Variants in TATDN3 observed in about 807,000 individuals in gnomAD.
TATDN3 encodes the protein deoxyribonuclease TATDN3.
TATDN3 carries 29 observed loss-of-function variants against 40.1 expected under a neutral mutation model. That is an observed-to-expected ratio of 0.72 (90% CI 0.54 to 0.99). The LOEUF (loss-of-function observed/expected upper bound fraction) is 0.99. Ranked by LOEUF, TATDN3 falls within the 50% of genes least tolerant of loss-of-function variation. The pLI is 0.00. For missense variants in TATDN3, 309 were observed against 321.9 expected (o/e 0.96, Z 0.31); for synonymous variants, 105 against 117.0 (o/e 0.90, Z 0.66).
At chr1:212,796,831 G>T in intron 3 of TATDN3, 1 of 472,358 alleles carries the variant, frequency 2.1e-6, no homozygotes, top group Non-Finnish European at 3.7e-6. Flanking sequence ...TCTGCCTCCT[G>T]GTTTCAAGCA....
chr1:212,812,024 G>A (rs188484754), intron 8 of TATDN3, among the ~76,000 whole-genome samples: 2 of 152,142 alleles, frequency 1.3e-5, no homozygotes, highest in South Asian at 2.1e-4. Context: ...TAGCAGAGAC[G>A]GGGTTTCACC....
chr1:212,808,575 T>C (rs1662681310), intron 8 of TATDN3, among the ~76,000 whole-genome samples: 1 of 152,028 alleles, frequency 6.6e-6, no homozygotes, highest in Admixed American at 6.6e-5. Flanking sequence ...CTGATAAGGG[T>C]CTAGTATCCA....
chr1:212,813,096 A>G (rs564941944), intron 9 of TATDN3, among the ~76,000 whole-genome samples: 9 of 152,222 alleles, frequency 5.9e-5, no homozygotes, highest in Admixed American at 3.3e-4. Flanking sequence ...TAGGTATTCA[A>G]TGAGTGTTCA....
At position 212,796,546 on chromosome 1, in the gene TATDN3, C is replaced by T. The variant is rs766876496; in HGVS notation, c.129C>T (p.Ala43=). 2.5e-5 allele frequency: 39 copies of T among 1,549,640 alleles called. No homozygotes were observed. The highest frequency in any genetic ancestry group is 2.0e-4 in the Middle Eastern group (1 of 5,122). Residue 43 remains alanine (A), a synonymous_variant, in exon 3 of 10, where the codon GCC becomes GCT. Transcript: ENST00000366974. ...ATGTTGTGGCCCTTGTGGCAGTTGC[C>T]GAACATTCAGGAGAATTTGAAAAGA... ...KANVVALVAV[A]EHSGEFEKIM... is the part of the protein sequence containing the mutation.
chr1:212,813,564 T>C (rs1244484621), intron 9 of TATDN3, among the ~76,000 whole-genome samples: 2 of 136,418 alleles, frequency 1.5e-5, no homozygotes, highest in Non-Finnish European at 3.1e-5. Context: ...TTTCTTTCTT[T>C]TCTTTTTTTT....
At chr1:212,803,741 G>C (rs56930837) in intron 5 of TATDN3, among the ~76,000 whole-genome samples, 1 of 133,014 alleles carries the variant, frequency 7.5e-6, no homozygotes, top group African/African-American at 2.8e-5. Flanking sequence ...GTACCAAAAA[G>C]AAAAAAAAAA....
rs910777223 is a variant in TATDN3, at chr1:212,804,662, T to A, written c.487+11T>A. The A allele has an allele frequency of 2.4e-5, 39 of 1,610,998 alleles. No homozygotes were observed. Among genetic ancestry groups the A allele is most frequent in the Non-Finnish European group, 2.9e-5 (34 of 1,178,606 alleles). ...TTTTACAAGAGCAAGGTATTTCGTT[T>A]CCTGAGAAAAATAGGCCTAATGTTC... On this transcript the variant is annotated intron_variant, in intron 7 of 9. Coordinates refer to ENST00000366974, the MANE Select transcript of TATDN3 (RefSeq NM_001042552.3).
Position 212,815,123 on chromosome 1 carries a change from G to A in TATDN3, c.792G>A (p.Leu264=), listed in dbSNP as rs778031669. 6.2e-7 allele frequency: 1 copy of A among 1,613,422 alleles called. No homozygotes were observed. The highest frequency in any genetic ancestry group is 8.5e-7 in the Non-Finnish European group (1 of 1,179,858). ...IEVTTQNALK[L]FPKLRHLLQK is the part of the protein sequence containing the mutation. ...TGACGACACAGAATGCATTAAAACT[G>A]TTTCCTAAGCTCCGACACTTGCTCC... Residue 264 remains leucine (L), a synonymous_variant, in exon 10 of 10, where the codon CTG becomes CTA. Transcript: ENST00000366974.
intron 8 of TATDN3, among the ~76,000 whole-genome samples, chr1:212,811,264 C>T (rs1227508762): frequency 6.6e-6 from 1 of 151,710 alleles, no homozygotes; most frequent in Non-Finnish European, 1.5e-5. Context: ...TCCCGAGTAG[C>T]TGGGATTACA....
chr1:212,811,543 C>T (rs1259748330), intron 8 of TATDN3, among the ~76,000 whole-genome samples: 3 of 151,906 alleles, frequency 2.0e-5, no homozygotes, highest in South Asian at 4.2e-4. Flanking sequence ...GGATTACAGG[C>T]GCGAGCTACC....
intron 4 of TATDN3, among the ~76,000 whole-genome samples, chr1:212,800,474 C>T (rs948243189): frequency 2.6e-5 from 4 of 151,630 alleles, no homozygotes; most frequent in African/African-American, 7.3e-5. Flanking sequence ...GCTGCCCCTG[C>T]ATGGAGGGTA....
chr1:212,813,041 A>C (rs994281788), intron 9 of TATDN3, among the ~76,000 whole-genome samples: 6 of 152,172 alleles, frequency 3.9e-5, no homozygotes, highest in Non-Finnish European at 7.3e-5. Flanking sequence ...TAAGTATTAC[A>C]TGAAGTAACG....
intron 5 of TATDN3, among the ~76,000 whole-genome samples, chr1:212,803,408 A>G (rs1376476905): frequency 6.6e-6 from 1 of 151,848 alleles, no homozygotes; most frequent in East Asian, 1.9e-4. Context: ...GGTCTTGGAC[A>G]CCTGGCCTCA....
chr1:212,792,047 G>A, intron 1 of TATDN3, 60 bp downstream of exon 1: 1 of 1,552,530 alleles, frequency 6.4e-7, no homozygotes, highest in Non-Finnish European at 8.9e-7. Context: ...TTCCCCTCGT[G>A]TTATCTTTGC....
intron 8 of TATDN3, among the ~76,000 whole-genome samples, chr1:212,809,834 G>A (rs901398296): frequency 6.6e-6 from 1 of 152,052 alleles, no homozygotes; most frequent in Admixed American, 6.6e-5. Context: ...AACCAGCCTG[G>A]CCAACATGGT....
At chr1:212,804,039 AAAAC>A (rs1223109318) in intron 5 of TATDN3, among the ~76,000 whole-genome samples, 2 of 151,892 alleles carry the variant, frequency 1.3e-5, no homozygotes, top group South Asian at 2.1e-4. Context: ...CCGTCTCAAC[AAAAC>A]AAACAAAAAA....
chr1:212,804,467 CAAATT>C lies in TATDN3; in HGVS notation c.431+43_431+47del, dbSNP rs780098496. On this transcript the variant is annotated intron_variant, in intron 6 of 9. Coordinates refer to ENST00000366974, the MANE Select transcript of TATDN3 (RefSeq NM_001042552.3). ...TTTTCCTATGTTAATAGCTATAGAG[CAAATT>C]AAATAATGATCAGAGTTCTCCTGAA... is the stretch of plus-strand genomic sequence containing the variant. 6.4e-5 allele frequency: 100 copies of C among 1,574,230 alleles called. 2 individuals carry two copies. In the South Asian group the frequency reaches 1.0e-3, roughly 16 times the overall value.
At chr1:212,810,511 C>CA (rs55912631) in intron 8 of TATDN3, among the ~76,000 whole-genome samples, 17,586 of 49,710 alleles carry the variant, frequency 0.35, 4,531 homozygotes, top group Non-Finnish European at 0.45. Context: ...GACTCTGTCT[C>CA]AAAAAAAAAA....
At position 212,798,628 on chromosome 1, in the gene TATDN3, A is replaced by C. The variant is rs778575256; in HGVS notation, c.258+1432A>C. Among the ~76,000 whole-genome samples, 44 of 152,148 alleles carry C rather than the reference A, an allele frequency of 2.9e-4. 1 individual carries two copies. The highest frequency in any genetic ancestry group is 7.2e-4 in the Admixed American group (11 of 15,266). On this transcript the variant is annotated intron_variant, in intron 4 of 9. Transcript: ENST00000366974. ...GCTATCCTGAATTGTTAAGTATGAT[A>C]AAATTAGCTACATTGCCAATCACAA...
Sources: allele counts gnomAD v4.1 joint callset (sites outside exome capture counted in the v4.1 genomes callset), GRCh38; gene constraint gnomAD v4.1.1; transcripts MANE v1.5; gene names NCBI Gene and HGNC (gene_info 2026-07-23, HGNC 2026-07-21).